The following HDAC9 variants were observed in gnomAD, a reference collection of about 807,000 sequenced individuals.
The protein encoded by HDAC9 is histone deacetylase 9, also known as MEF-2 interacting transcription repressor (MITR) protein.
A neutral mutation model predicts 139.4 loss-of-function variants in HDAC9; 41 were observed. The observed-to-expected ratio is 0.29, with a 90% CI of 0.23 to 0.38. The LOEUF is 0.38. Among genes scored for constraint, HDAC9 ranks in the 10% least tolerant of loss-of-function variants. The probability of loss-of-function intolerance (pLI) is 1.00; values close to 1 mark genes in which losing one functional copy is unlikely to be tolerated. For synonymous variants in HDAC9, 517 were observed against 476.2 expected (o/e 1.09, Z -1.12); for missense variants, 1,147 against 1,297.0 (o/e 0.88, Z 1.78).
At chr7:18,605,351 T>G (rs78873963) in intron 6 of HDAC9, among the ~76,000 whole-genome samples, 7,827 of 152,256 alleles carry the variant, frequency 0.051, 364 homozygotes, top group Admixed American at 0.14. Context: ...CTTCTTAGCC[T>G]GTTTCCTCCC....
intron 2 of HDAC9, among the ~76,000 whole-genome samples, chr7:18,515,589 A>G (rs907288718): frequency 4.6e-5 from 7 of 152,206 alleles, no homozygotes; most frequent in African/African-American, 9.7e-5. Context: ...GCAGTCTTCT[A>G]TTTTGTCAGT....
intron 2 of HDAC9, among the ~76,000 whole-genome samples, chr7:18,163,968 G>C (rs1787832213): frequency 6.6e-6 from 1 of 152,112 alleles, no homozygotes; most frequent in East Asian, 1.9e-4. Flanking sequence ...GGAAATTCTT[G>C]CGAGTTGTGA....
At chr7:18,918,980 C>T (rs183169830) in intron 22 of HDAC9, among the ~76,000 whole-genome samples, 160 of 152,070 alleles carry the variant, frequency 1.1e-3, no homozygotes, top group African/African-American at 3.6e-3. Flanking sequence ...ATCCCCTGTG[C>T]AAATCAAGTC....
At chr7:18,239,523 C>G (rs1264740179) in intron 2 of HDAC9, among the ~76,000 whole-genome samples, 2 of 152,162 alleles carry the variant, frequency 1.3e-5, no homozygotes, top group African/African-American at 4.8e-5. Context: ...CCTTCCTGAC[C>G]ACCTTGGTTT....
chr7:18,157,846 A>AGAGAGAGACT (rs1787332371), intron 1 of HDAC9, among the ~76,000 whole-genome samples: 2 of 141,260 alleles, frequency 1.4e-5, no homozygotes, highest in African/African-American at 2.6e-5. Flanking sequence ...AGAGAGAGAG[A>AGAGAGAGACT]GAGAGACTGA....
intron 12 of HDAC9, among the ~76,000 whole-genome samples, chr7:18,670,019 G>T (rs1795571272): frequency 7.7e-6 from 1 of 130,230 alleles, no homozygotes; most frequent in Admixed American, 6.9e-5. Flanking sequence ...TTGAAACCTA[G>T]TACTTAACAG....
chr7:18,993,366 A>AATCT (rs1786157580), intron 25 of HDAC9, among the ~76,000 whole-genome samples: 1 of 152,226 alleles, frequency 6.6e-6, no homozygotes, highest in African/African-American at 2.4e-5. Context: ...TAAAATTGAC[A>AATCT]ATCTAGAGAC....
chr7:18,905,039 C>G (rs571948476), intron 22 of HDAC9, among the ~76,000 whole-genome samples: 2 of 152,212 alleles, frequency 1.3e-5, no homozygotes, highest in South Asian at 4.2e-4. Context: ...GCTGGGCCTA[C>G]GGTCATGAGC....
chr7:18,172,743 C>T (rs558867105), intron 2 of HDAC9, among the ~76,000 whole-genome samples: 1 of 152,288 alleles, frequency 6.6e-6, no homozygotes, highest in African/African-American at 2.4e-5. Flanking sequence ...TGTTCAGTTT[C>T]CCTGTAGTTG....
At chr7:18,162,507 A>T in intron 2 of HDAC9, 1 of 646,006 alleles carries the variant, frequency 1.5e-6, no homozygotes, top group Non-Finnish European at 2.7e-6. Context: ...TTCGATAGCT[A>T]ATTCTCTATT....
intron 11 of HDAC9, among the ~76,000 whole-genome samples, chr7:18,658,126 C>A (rs942277332): frequency 5.3e-5 from 8 of 152,134 alleles, no homozygotes; most frequent in African/African-American, 1.9e-4. Context: ...CAAGAGTAAA[C>A]ACAAACACCC....
rs997190473 is a variant in HDAC9, at chr7:19,001,953, G to T, written c.*5891G>T. 5 of 152,110 alleles carry T rather than the reference G, an allele frequency of 3.3e-5. No individual in the cohort carries two copies. The highest frequency in any genetic ancestry group is 4.4e-5 in the Non-Finnish European group (3 of 67,920). The allele number at this position is 152,110 out of a possible 1,614,324, so 9.4% of individuals were successfully genotyped here. On this transcript the variant is annotated 3_prime_UTR_variant, in exon 26 of 26. Coordinates refer to ENST00000686413, the MANE Select transcript of HDAC9 (RefSeq NM_178425.4). ...TGTATGCCAATAGCCTAGAATTTTT[G>T]GCTTAGTGTAAAATAAAAATGTCTT...
At chr7:18,948,331 C>G (rs1782549847) in intron 23 of HDAC9, among the ~76,000 whole-genome samples, 1 of 151,834 alleles carries the variant, frequency 6.6e-6, no homozygotes, top group Admixed American at 6.6e-5. Context: ...AAAAGATGTT[C>G]ATTTAAATTA....
chr7:18,931,363 CG>C (rs1804728229), intron 22 of HDAC9, among the ~76,000 whole-genome samples: 5 of 152,064 alleles, frequency 3.3e-5, no homozygotes, highest in Admixed American at 3.3e-4. Context: ...AGATTCTTAT[CG>C]GCATCATAAT....
At chr7:18,983,599 A>C (rs1157639348) in intron 25 of HDAC9, among the ~76,000 whole-genome samples, 4 of 152,164 alleles carry the variant, frequency 2.6e-5, no homozygotes, top group African/African-American at 4.8e-5. Context: ...TAGATAGCTA[A>C]GATAGCTAAA....
At chr7:18,133,792 A>G (rs1468407956) in intron 1 of HDAC9, among the ~76,000 whole-genome samples, 1 of 152,110 alleles carries the variant, frequency 6.6e-6, no homozygotes, top group Non-Finnish European at 1.5e-5. Flanking sequence ...ACTCAGAGAA[A>G]CACCATTTGA....
At chr7:18,563,708 T>C (rs1027094986) in intron 2 of HDAC9, among the ~76,000 whole-genome samples, 1 of 149,554 alleles carries the variant, frequency 6.7e-6, no homozygotes, top group Non-Finnish European at 1.5e-5. Context: ...TGCCATCAAT[T>C]CCCTCAGAAC....
At chr7:18,249,108 T>G (rs1213671121) in intron 2 of HDAC9, among the ~76,000 whole-genome samples, 2 of 152,202 alleles carry the variant, frequency 1.3e-5, no homozygotes, top group African/African-American at 4.8e-5. Context: ...AAATCCTAAT[T>G]AATCTTTAAC....
chr7:18,908,258 C>T (rs1802446632), intron 22 of HDAC9, among the ~76,000 whole-genome samples: 3 of 151,982 alleles, frequency 2.0e-5, no homozygotes, highest in African/African-American at 7.2e-5. Flanking sequence ...TTTTAATTGA[C>T]ACATAATTGT....
Sources: allele counts gnomAD v4.1 joint callset (sites outside exome capture counted in the v4.1 genomes callset), GRCh38; gene constraint gnomAD v4.1.1; transcripts MANE v1.5; gene names NCBI Gene and HGNC (gene_info 2026-07-23, HGNC 2026-07-21).